ZNF846: variants seen among roughly 807,000 people sequenced by gnomAD.
The protein encoded by ZNF846 is zinc finger protein 420 pseudogene.
Under a neutral mutation model 16.0 loss-of-function variants are expected in ZNF846, and 15 were observed. That is an observed-to-expected ratio of 0.94 (90% CI 0.63 to 1.45). The LOEUF (loss-of-function observed/expected upper bound fraction) is 1.45, where lower values mean the gene tolerates loss of function less well. Ranked by LOEUF, ZNF846 falls within the 40% of genes most tolerant of loss-of-function variation. The probability of loss-of-function intolerance (pLI) is 0.00; values close to 1 mark genes in which losing one functional copy is unlikely to be tolerated. For missense variants in ZNF846, 714 were observed against 622.3 expected (o/e 1.15, Z -1.57); for synonymous variants, 229 against 212.0 (o/e 1.08, Z -0.70).
downstream of ZNF846, chr19:9,756,314 T>C (rs975125369): frequency 1.4e-5 from 2 of 140,710 alleles, no homozygotes; most frequent in Non-Finnish European, 3.0e-5. Context: ...TGTGTATGTG[T>C]GTGTGCATAT....
At chr19:9,754,742 G>C (rs1211007995), downstream of ZNF846, among the ~76,000 whole-genome samples, 1 of 151,138 alleles carries the variant, frequency 6.6e-6, no homozygotes, top group Non-Finnish European at 1.5e-5. Context: ...ATGTCTTACA[G>C]CTTTTTGGTC....
chr19:9,775,125 G>A (rs894450545), intron 1 of ZNF846, among the ~76,000 whole-genome samples: 1 of 151,496 alleles, frequency 6.6e-6, no homozygotes, highest in Non-Finnish European at 1.5e-5. Context: ...AATGGTGTAG[G>A]TAATCTGTAA....
Position 9,773,894 on chromosome 19 carries a change from A to G in ZNF846, c.-85-8859T>C, listed in dbSNP as rs564696891. ...TATATGGAAAGCCCTAGAGAATAAA[A>G]TAATAAGTTAACAGAATGTGAAATT... is the stretch of plus-strand genomic sequence containing the variant. On this transcript the variant is annotated intron_variant, in intron 1 of 4. Transcript: ENST00000586814. Among the ~76,000 whole-genome samples, 173 of 152,354 alleles carry G rather than the reference A, an allele frequency of 1.1e-3. 1 individual carries two copies. Among genetic ancestry groups the G allele is most frequent in the African/African-American group, 4.0e-3 (167 of 41,578 alleles).
intron 1 of ZNF846, among the ~76,000 whole-genome samples, chr19:9,776,886 C>G (rs1161829053): frequency 6.6e-6 from 1 of 151,888 alleles, no homozygotes; most frequent in Non-Finnish European, 1.5e-5. Flanking sequence ...AGCTTATGTG[C>G]TAGGTGAAGT....
chr19:9,774,992 G>T, intron 1 of ZNF846: 1 of 1,596,300 alleles, frequency 6.3e-7, no homozygotes, highest in Non-Finnish European at 8.6e-7. Flanking sequence ...GCAAGTGTAA[G>T]CAGAGGCCCC....
intron 1 of ZNF846, among the ~76,000 whole-genome samples, chr19:9,779,766 T>C (rs2045482112): frequency 6.6e-6 from 1 of 151,882 alleles, no homozygotes; most frequent in Non-Finnish European, 1.5e-5. Flanking sequence ...GAGACGAGGT[T>C]TCACCATGTT....
At chr19:9,761,570 G>T (rs1019350797) in intron 4 of ZNF846, among the ~76,000 whole-genome samples, 1 of 151,908 alleles carries the variant, frequency 6.6e-6, no homozygotes, top group Non-Finnish European at 1.5e-5. Flanking sequence ...AATTAGTTGG[G>T]CGTGGTGTCA....
chr19:9,756,350 T>C (rs1289405042), downstream of ZNF846: 1 of 29,874 alleles, frequency 3.3e-5, no homozygotes, highest in Non-Finnish European at 7.3e-5. Flanking sequence ...TGTGTGTATA[T>C]ATATATATAT....
Position 9,762,163 on chromosome 19 carries a change from A to G in ZNF846, c.148T>C (p.Ser50Pro), listed in dbSNP as rs372975647. The G allele has an allele frequency of 1.4e-5, 23 of 1,613,812 alleles. No individual in the cohort carries two copies. The African/African-American group carries it at 3.1e-4, about 22-fold the overall frequency. Residue 50 changes from serine (S) to proline (P), a missense_variant, in exon 4 of 6, where the codon TCT (serine) becomes CCT (proline). By Grantham distance (74) the Ser-to-Pro change is moderately conservative. Coordinates refer to ENST00000397902, the Ensembl canonical transcript of ZNF846. The stretch of plus-strand genomic sequence containing the variant: ...ATGAGACTACGTTTGAATAATTCAG[A>G]CCCTGCTGGAGGGAAAAATGCACAA...
chr19:9,777,159 A>G (rs1462174352), intron 1 of ZNF846, among the ~76,000 whole-genome samples: 1 of 148,844 alleles, frequency 6.7e-6, no homozygotes, highest in African/African-American at 2.6e-5. Context: ...GCACACACAC[A>G]CACACACACA....
At chr19:9,761,301 G>C (rs1313738408) in intron 4 of ZNF846, among the ~76,000 whole-genome samples, 2 of 151,788 alleles carry the variant, frequency 1.3e-5, no homozygotes, top group African/African-American at 4.8e-5. Flanking sequence ...CCTAAAAAAA[G>C]TATATGGCAC....
upstream of ZNF846, among the ~76,000 whole-genome samples, chr19:9,770,445 TATC>T (rs2045379957): frequency 6.6e-6 from 1 of 152,014 alleles, no homozygotes. Flanking sequence ...TGTATGGCTG[TATC>T]ATAACATCAG....
chr19:9,761,829 G>C (rs553494686), intron 4 of ZNF846, among the ~76,000 whole-genome samples: 10 of 152,168 alleles, frequency 6.6e-5, no homozygotes, highest in African/African-American at 2.4e-4. Context: ...TGTTGGCAAA[G>C]GACCTACATG....
At chr19:9,752,641 A>T (rs1016647151), downstream of ZNF846, among the ~76,000 whole-genome samples, 10 of 140,742 alleles carry the variant, frequency 7.1e-5, no homozygotes, top group Admixed American at 2.1e-4. Flanking sequence ...AAAAATTCTT[A>T]TTGCTTCTTT....
At chr19:9,763,178 G>T in intron 3 of ZNF846, 104 bp downstream of exon 3, 1 of 1,065,504 alleles carries the variant, frequency 9.4e-7, no homozygotes, top group Non-Finnish European at 1.3e-6. Context: ...CACTGGCCAA[G>T]GTCCATGCCT....
intron 4 of ZNF846, among the ~76,000 whole-genome samples, chr19:9,761,847 T>C (rs1360025402): frequency 1.3e-5 from 2 of 151,888 alleles, no homozygotes; most frequent in Non-Finnish European, 2.9e-5. Flanking sequence ...ATGCATAAGA[T>C]GGAATTTTCA....
At chr19:9,767,042 G>T (rs1362780813) in intron 1 of ZNF846, among the ~76,000 whole-genome samples, 2 of 150,526 alleles carry the variant, frequency 1.3e-5, no homozygotes, top group Non-Finnish European at 2.9e-5. Context: ...GTCCCAGCTT[G>T]TCTCAAACTC....
exon 6 of ZNF846, chr19:9,758,354 A>G (rs781750380): frequency 1.2e-5 from 19 of 1,613,400 alleles, no homozygotes; most frequent in East Asian, 2.2e-5. Context: ...CATGTCCTAT[A>G]AGGTGTGAGG....
chr19:9,775,795 A>C (rs1414289540), intron 1 of ZNF846, among the ~76,000 whole-genome samples: 2 of 152,222 alleles, frequency 1.3e-5, no homozygotes, highest in African/African-American at 4.8e-5. Flanking sequence ...TGCTGAAGCA[A>C]GAGACCGAGG....
Sources: allele counts gnomAD v4.1 joint callset (sites outside exome capture counted in the v4.1 genomes callset), GRCh38; gene constraint gnomAD v4.1.1; transcripts MANE v1.5; gene names NCBI Gene and HGNC (gene_info 2026-07-23, HGNC 2026-07-21).